The following SLC25A43 variants were observed in gnomAD, a reference collection of about 807,000 sequenced individuals.
SLC25A43 encodes solute carrier family 25 member 43, also known as solute carrier family 25, member 43.
In SLC25A43, 10 loss-of-function variants were observed where a neutral mutation model predicts 22.8. That is an observed-to-expected ratio of 0.44 (90% CI 0.27 to 0.74). The LOEUF (loss-of-function observed/expected upper bound fraction) is 0.74, where lower values mean the gene tolerates loss of function less well. Ranked by LOEUF, SLC25A43 falls within the 30% of genes least tolerant of loss-of-function variation. The probability of loss-of-function intolerance (pLI) is 0.17; values close to 1 mark genes in which losing one functional copy is unlikely to be tolerated. For synonymous variants in SLC25A43, 106 were observed against 121.6 expected, an observed-to-expected ratio of 0.87 and a Z score of 0.84; for missense variants, 233 against 279.1, an observed-to-expected ratio of 0.83 and a Z score of 1.18.
intron 3 of SLC25A43, among the ~76,000 whole-genome samples, chrX:119,430,675 G>A (rs1173807324): frequency 8.9e-6 from 1 of 112,315 alleles, no homozygotes; most frequent in African/African-American, 3.2e-5. Context: ...CCTCGCCCCC[G>A]TTCAGTTAAA....
chrX:119,444,711 A>C (rs1187852711), intron 3 of SLC25A43, among the ~76,000 whole-genome samples: 1 of 105,175 alleles, frequency 9.5e-6, no homozygotes, highest in South Asian at 4.3e-4. Flanking sequence ...CTCAAAAAAA[A>C]AAAAAAAAGA....
chrX:119,419,655 A>G (rs1374397862), intron 3 of SLC25A43, among the ~76,000 whole-genome samples: 1 of 111,167 alleles, frequency 9.0e-6, no homozygotes, highest in Non-Finnish European at 1.9e-5. Flanking sequence ...GCTCGACATC[A>G]CTATTTGGCT....
intron 1 of SLC25A43, 102 bp downstream of exon 1, chrX:119,399,780 G>A: frequency 1.1e-6 from 1 of 888,751 alleles, no homozygotes; most frequent in Non-Finnish European, 1.4e-6. Flanking sequence ...GGGCCCTGGA[G>A]TAGGGACGGC....
chrX:119,411,035 C>T lies in SLC25A43; in HGVS notation c.690+673C>T, dbSNP rs190005532. ...AGAGTAGAATATGAAATGCAGCCTG[C>T]TAATGCTCCCTGTCCTTGCTGCCTC... is the stretch of plus-strand genomic sequence containing the variant. On this transcript the variant is annotated intron_variant, in intron 3 of 4. Coordinates refer to ENST00000217909, the MANE Select transcript of SLC25A43 (RefSeq NM_145305.3). Among the ~76,000 whole-genome samples, 5 of 111,113 alleles carry T rather than the reference C, an allele frequency of 4.5e-5. No homozygotes were observed. The East Asian group carries it at 1.1e-3, about 25-fold the overall frequency.
chrX:119,410,412 G>A (rs1251711555), intron 3 of SLC25A43, 50 bp downstream of exon 3: 2 of 1,166,540 alleles, frequency 1.7e-6, no homozygotes, highest in Admixed American at 4.4e-5. Context: ...TGTAGTGTTT[G>A]TGGTCGGGTA....
rs1057077254 is a variant in SLC25A43 at position 119,453,109 on chromosome X, A to G, written c.*44A>G. ...GTGCACTGACTGACAGCATGTTGCAATCACAGATAAATGTAGCCTCATAAC... is the reference window on the plus strand; with the variant it reads ...GTGCACTGACTGACAGCATGTTGCAGTCACAGATAAATGTAGCCTCATAAC... On this transcript the variant is annotated 3_prime_UTR_variant, in exon 5 of 5. Coordinates refer to ENST00000217909, the MANE Select transcript of SLC25A43 (RefSeq NM_145305.3). The G allele has an allele frequency of 2.8e-6, 3 of 1,077,294 alleles. No homozygotes were observed. In the Admixed American group the frequency reaches 6.7e-5, roughly 24 times the overall value. The allele number at this position is 1,077,294 out of a possible 1,213,427, so 88.8% of individuals were successfully genotyped here.
chrX:119,410,415 G>A, intron 3 of SLC25A43, 53 bp downstream of exon 3: 1 of 1,162,450 alleles, frequency 8.6e-7, no homozygotes, highest in Non-Finnish European at 1.2e-6. Context: ...AGTGTTTGTG[G>A]TCGGGTAATA....
Position 119,416,441 on chromosome X carries a change from G to A in SLC25A43, c.690+6079G>A, listed in dbSNP as rs1236788792. 3.6e-5 allele frequency among the ~76,000 whole-genome samples: 4 copies of A among 111,843 alleles called. No homozygotes were observed. In the East Asian group the frequency reaches 8.4e-4, roughly 24 times the overall value. ...TCACCATGTTAGCCAGGCTGGTCTC[G>A]AACTCCTGGCCTCATGATCTGCCCG... On this transcript the variant is annotated intron_variant, in intron 3 of 4. Coordinates refer to ENST00000217909, the MANE Select transcript of SLC25A43 (RefSeq NM_145305.3).
intron 3 of SLC25A43, among the ~76,000 whole-genome samples, chrX:119,420,025 T>C (rs976484224): frequency 1.8e-5 from 2 of 112,456 alleles, no homozygotes; most frequent in African/African-American, 6.5e-5. Flanking sequence ...GGCACTGTGC[T>C]AAGTGCTTTA....
intron 3 of SLC25A43, among the ~76,000 whole-genome samples, chrX:119,416,216 C>CTT (rs199779729): frequency 9.8e-6 from 1 of 102,231 alleles, no homozygotes; most frequent in African/African-American, 3.5e-5. Context: ...AGAAAAATGC[C>CTT]TTTTTTTTTT....
intron 3 of SLC25A43, among the ~76,000 whole-genome samples, chrX:119,411,982 A>G (rs1447742841): frequency 1.8e-5 from 2 of 112,056 alleles, no homozygotes; most frequent in African/African-American, 6.5e-5. Context: ...AGAACTCTAT[A>G]GAAATTAATT....
chrX:119,415,114 G>A (rs1335600351), intron 3 of SLC25A43, among the ~76,000 whole-genome samples: 9 of 109,033 alleles, frequency 8.3e-5, no homozygotes, highest in Non-Finnish European at 1.1e-4. Context: ...TAGCAGAGAC[G>A]GGGTTTCACC....
At chrX:119,419,032 C>T (rs1285507797) in intron 3 of SLC25A43, among the ~76,000 whole-genome samples, 1 of 112,101 alleles carries the variant, frequency 8.9e-6, no homozygotes, top group Non-Finnish European at 1.9e-5. Context: ...CTGTGCACCC[C>T]GAATAAGAAC....
chrX:119,434,222 C>A (rs373666672), intron 3 of SLC25A43, among the ~76,000 whole-genome samples: 24 of 110,357 alleles, frequency 2.2e-4, no homozygotes, highest in East Asian at 1.1e-3. Context: ...AGGTTGATGA[C>A]AGTGCCATTT....
intron 3 of SLC25A43, among the ~76,000 whole-genome samples, chrX:119,419,288 A>C (rs1464369892): frequency 1.8e-5 from 2 of 111,651 alleles, no homozygotes; most frequent in Non-Finnish European, 3.8e-5. Context: ...TATAAAACCA[A>C]GTGTGAGCCT....
At position 119,449,425 on chromosome X, in the gene SLC25A43, A is replaced by AAG. The variant is rs1489917662; in HGVS notation, c.691-2583_691-2582insGA. Among the ~76,000 whole-genome samples, 5 of 103,397 alleles carry AAG rather than the reference A, an allele frequency of 4.8e-5. No individual in the cohort carries two copies. In the South Asian group the frequency reaches 2.2e-3, roughly 45 times the overall value. 89.8% of individuals were successfully genotyped at this position (103,397 alleles called of 115,157 possible). On this transcript the variant is annotated intron_variant, in intron 3 of 4. Coordinates refer to ENST00000217909, the MANE Select transcript of SLC25A43 (RefSeq NM_145305.3). ...CGAGACTCTGTCTCAAAAAAAAAAA[A>AAG]AAAAGAAGAAGAATGAATTGGAGGC...
chrX:119,410,673 G>C (rs2052342074), intron 3 of SLC25A43, among the ~76,000 whole-genome samples: 1 of 110,760 alleles, frequency 9.0e-6, no homozygotes, highest in Admixed American at 9.6e-5. Context: ...TGGATCACTT[G>C]AGGTCAGGAG....
At position 119,399,673 on chromosome X, in the gene SLC25A43, C is replaced by G; in HGVS notation, c.270C>G (p.Tyr90Ter). 3.0e-6 allele frequency: 3 copies of G among 990,860 alleles called. No homozygotes were observed. In the South Asian group the frequency reaches 1.0e-4, roughly 34 times the overall value. 81.7% of individuals were successfully genotyped at this position (990,860 alleles called of 1,213,427 possible). A position where few individuals can be genotyped will look rare whatever the true frequency, so the allele number is the denominator to read the frequency against. ...FPCSAVQLAA[Y>*]RKFVVLFTDD... ...GCAGCGCCGTGCAGCTCGCCGCCTA[C>G]CGCAAGTAAGAGCCGGGCGGGGCCG... The change falls in exon 1 of 5, where the codon TAC becomes TAG. Residue 90 changes from tyrosine (Y) to a stop codon, truncating the protein, a stop_gained. Transcript: ENST00000217909. LOFTEE classifies it high-confidence loss of function.
At chrX:119,407,512 C>T (rs994076224) in intron 2 of SLC25A43, among the ~76,000 whole-genome samples, 3 of 111,277 alleles carry the variant, frequency 2.7e-5, no homozygotes, top group African/African-American at 6.5e-5. Context: ...GCATTGCATG[C>T]GCTTTCTCAT....
Sources: gnomAD v4.1 joint callset for allele counts (sites outside exome capture counted in the v4.1 genomes callset) on GRCh38, gnomAD v4.1.1 for gene constraint, MANE v1.5 for transcripts, NCBI Gene and HGNC (gene_info 2026-07-23, HGNC 2026-07-21) for gene names.